TTC39C: variants seen among roughly 807,000 people sequenced by gnomAD.
The protein encoded by TTC39C is tetratricopeptide repeat domain 39C.
TTC39C carries 33 observed loss-of-function variants against 76.3 expected under a neutral mutation model. The observed-to-expected ratio is 0.43, with a 90% confidence interval of 0.33 to 0.58. The LOEUF (loss-of-function observed/expected upper bound fraction) is 0.58. TTC39C is among the 20% of genes least tolerant of loss of function. The probability of loss-of-function intolerance (pLI) is 0.04; values close to 1 mark genes in which losing one functional copy is unlikely to be tolerated. For missense variants in TTC39C, 595 were observed against 701.4 expected (o/e 0.85, Z 1.71); for synonymous variants, 254 against 260.6 (o/e 0.97, Z 0.24).
In TTC39C at chr18:24,133,014, C is replaced by T. The variant is rs1255225501; in HGVS notation, c.*440C>T. 6.5e-6 allele frequency: 1 copy of T among 153,504 alleles called. No individual in the cohort carries two copies. The highest frequency in any genetic ancestry group is 1.4e-5 in the Non-Finnish European group (1 of 69,042). The allele number at this position is 153,504 out of a possible 1,614,324, so 9.5% of individuals were successfully genotyped here. On this transcript the variant is annotated 3_prime_UTR_variant, in exon 14 of 14. Transcript: ENST00000317571. ...TTTGTGTTTTGAAAAAATAAAAGTGCTTTCTAGTGTTTTACTTTATCCTCA... is the reference window on the plus strand; with the variant it reads ...TTTGTGTTTTGAAAAAATAAAAGTGTTTTCTAGTGTTTTACTTTATCCTCA...
intron 1 of TTC39C, among the ~76,000 whole-genome samples, chr18:24,035,614 T>A (rs548581815): frequency 6.6e-6 from 1 of 152,344 alleles, no homozygotes; most frequent in African/African-American, 2.4e-5. Flanking sequence ...GCCCATTTTT[T>A]AATTGGGTTG....
chr18:24,110,994 CTT>C (rs146269943), intron 6 of TTC39C, among the ~76,000 whole-genome samples: 4 of 144,080 alleles, frequency 2.8e-5, no homozygotes, highest in African/African-American at 2.5e-5. Flanking sequence ...CAGAGAAAGA[CTT>C]TTTTTTTTTT....
chr18:24,048,623 A>G (rs1006224579), intron 1 of TTC39C, among the ~76,000 whole-genome samples: 3 of 152,162 alleles, frequency 2.0e-5, no homozygotes, highest in African/African-American at 4.8e-5. Flanking sequence ...TCCTATCTCT[A>G]TTCTTCTGAA....
At chr18:24,013,716 CTAAAT>C (rs1030812017), upstream of TTC39C, among the ~76,000 whole-genome samples, 1 of 152,096 alleles carries the variant, frequency 6.6e-6, no homozygotes, top group African/African-American at 2.4e-5. Flanking sequence ...AGGGATTTTG[CTAAAT>C]TAGAGAAAAA....
intron 1 of TTC39C, among the ~76,000 whole-genome samples, chr18:23,998,607 C>T (rs894705202): frequency 5.3e-5 from 8 of 151,852 alleles, no homozygotes; most frequent in Non-Finnish European, 7.4e-5. Flanking sequence ...AAGACTCTGT[C>T]TCAAAAATAT....
chr18:24,114,457 A>T, intron 6 of TTC39C, 97 bp from the exon 7 acceptor site: 1 of 959,478 alleles, frequency 1.0e-6, no homozygotes, highest in Non-Finnish European at 1.6e-6. Flanking sequence ...TAACCTGTTT[A>T]AAATAACTAT....
intron 1 of TTC39C, among the ~76,000 whole-genome samples, chr18:23,994,829 G>A (rs551324850): frequency 2.1e-4 from 32 of 152,006 alleles, no homozygotes; most frequent in Non-Finnish European, 3.7e-4. Context: ...GCGCTGATGC[G>A]TGAACTCCAC....
chr18:24,001,863 TG>T (rs1270990570), intron 1 of TTC39C, among the ~76,000 whole-genome samples: 1 of 139,260 alleles, frequency 7.2e-6, no homozygotes, highest in African/African-American at 2.7e-5. Flanking sequence ...TCTCGCTCTG[TG>T]GCCCAGGCGG....
At chr18:24,075,684 C>CAAAA (rs371486318) in intron 4 of TTC39C, among the ~76,000 whole-genome samples, 15 of 64,250 alleles carry the variant, frequency 2.3e-4, no homozygotes, top group East Asian at 4.5e-4. Flanking sequence ...GACCTTGTCT[C>CAAAA]AAAAAAAAAA....
At chr18:24,079,984 T>TAG (rs1318943958) in intron 4 of TTC39C, among the ~76,000 whole-genome samples, 1 of 151,998 alleles carries the variant, frequency 6.6e-6, no homozygotes, top group Non-Finnish European at 1.5e-5. Context: ...GTATTTTTTA[T>TAG]AGAGATGAGA....
intron 1 of TTC39C, among the ~76,000 whole-genome samples, chr18:24,027,562 T>C (rs956519418): frequency 6.7e-6 from 1 of 149,562 alleles, no homozygotes; most frequent in Non-Finnish European, 1.5e-5. Context: ...GAGGTGACTT[T>C]TTTTTTTTTT....
At chr18:24,106,609 A>G (rs1025125130) in intron 6 of TTC39C, among the ~76,000 whole-genome samples, 1 of 152,154 alleles carries the variant, frequency 6.6e-6, no homozygotes, top group Non-Finnish European at 1.5e-5. Flanking sequence ...GCTGGGGCAC[A>G]TAATTTATCA....
intron 4 of TTC39C, among the ~76,000 whole-genome samples, chr18:24,077,686 C>T (rs1201381594): frequency 6.6e-6 from 1 of 152,212 alleles, no homozygotes; most frequent in East Asian, 1.9e-4. Context: ...TAGGGTTTTA[C>T]AGATTTGTTT....
At chr18:24,010,664 T>C (rs2083387410), upstream of TTC39C, among the ~76,000 whole-genome samples, 1 of 152,246 alleles carries the variant, frequency 6.6e-6, no homozygotes. Context: ...CACAAAGGCA[T>C]GACTGTTAGC....
At chr18:23,996,445 A>G (rs1316439842) in intron 1 of TTC39C, among the ~76,000 whole-genome samples, 2 of 152,246 alleles carry the variant, frequency 1.3e-5, no homozygotes, top group Non-Finnish European at 2.9e-5. Context: ...CTAATTAAAC[A>G]TGCCTGCAGT....
chr18:24,044,344 G>A (rs192397668), intron 1 of TTC39C, among the ~76,000 whole-genome samples: 4 of 152,302 alleles, frequency 2.6e-5, no homozygotes, highest in African/African-American at 7.2e-5. Context: ...GAAGAAGTGA[G>A]AAGCCATGCT....
intron 9 of TTC39C, among the ~76,000 whole-genome samples, chr18:24,125,172 G>A (rs930665934): frequency 2.0e-5 from 3 of 152,210 alleles, no homozygotes; most frequent in Non-Finnish European, 4.4e-5. Flanking sequence ...GATTACAGGC[G>A]TGAGCCACCA....
chr18:24,009,545 A>G (rs144619980), intron 1 of TTC39C, among the ~76,000 whole-genome samples: 74 of 152,334 alleles, frequency 4.9e-4, no homozygotes, highest in African/African-American at 1.7e-3. Context: ...AGGGACTATC[A>G]ATGAAAAGGA....
chr18:24,044,052 T>TTGTGTGTGTGTG lies in TTC39C; in HGVS notation c.168-20060_168-20049dup, dbSNP rs56233680. On this transcript the variant is annotated intron_variant, in intron 1 of 13. Transcript: ENST00000317571. ...TGGCTGAAAGAGCATTTGTGTATGT[T>TTGTGTGTGTGTG]TGTGTGTGTGTGTGTGTGTGTGTGT... 4.4e-3 allele frequency among the ~76,000 whole-genome samples: 645 copies of TTGTGTGTGTGTG among 147,958 alleles called. 6 individuals are homozygous for TTGTGTGTGTGTG. The highest frequency in any genetic ancestry group is 0.015 in the African/African-American group (589 of 40,064).
Sources: gnomAD v4.1 joint callset for allele counts (sites outside exome capture counted in the v4.1 genomes callset) on GRCh38, gnomAD v4.1.1 for gene constraint, MANE v1.5 for transcripts, NCBI Gene and HGNC (gene_info 2026-07-23, HGNC 2026-07-21) for gene names.